RASAL2: variants seen among roughly 807,000 people sequenced by gnomAD.
The protein encoded by RASAL2 is RAS protein activator like 2, also known as ras GTPase-activating protein nGAP.
In RASAL2, 58 loss-of-function variants were observed where a neutral mutation model predicts 128.9. That is an observed-to-expected ratio of 0.45 (90% CI 0.36 to 0.56). The LOEUF (loss-of-function observed/expected upper bound fraction) is 0.56. Among genes scored for constraint, RASAL2 ranks in the 20% least tolerant of loss-of-function variants. The pLI is 0.00. For synonymous variants in RASAL2, 561 were observed against 580.8 expected (o/e 0.97, Z 0.49); for missense variants, 1,360 against 1,601.6 (o/e 0.85, Z 2.57).
intron 17 of RASAL2, among the ~76,000 whole-genome samples, chr1:178,469,714 C>T (rs189635488): frequency 1.4e-4 from 22 of 152,286 alleles, no homozygotes; most frequent in Admixed American, 4.6e-4. Flanking sequence ...AATCCAGGCA[C>T]CTTTCATAAA....
intron 1 of RASAL2, among the ~76,000 whole-genome samples, chr1:178,155,954 G>C (rs977327220): frequency 6.6e-6 from 1 of 152,100 alleles, no homozygotes; most frequent in African/African-American, 2.4e-5. Context: ...AACAATGTTT[G>C]CTTGCTCTTC....
At chr1:178,175,159 C>A (rs7529433) in intron 1 of RASAL2, among the ~76,000 whole-genome samples, 3 of 152,054 alleles carry the variant, frequency 2.0e-5, no homozygotes, top group African/African-American at 7.2e-5. Context: ...TCTTAGGTCC[C>A]TTTCATTGCC....
chr1:178,295,745 T>C (rs1423636756), intron 2 of RASAL2, among the ~76,000 whole-genome samples: 2 of 152,186 alleles, frequency 1.3e-5, no homozygotes. Context: ...CTGTTGCTGC[T>C]GGTACCTAGA....
At chr1:178,381,746 A>C (rs1411990057) in intron 3 of RASAL2, among the ~76,000 whole-genome samples, 2 of 152,092 alleles carry the variant, frequency 1.3e-5, no homozygotes, top group Non-Finnish European at 2.9e-5. Flanking sequence ...CCAATTGTAC[A>C]TGAAGCATAT....
intron 1 of RASAL2, among the ~76,000 whole-genome samples, chr1:178,149,185 C>T (rs144323222): frequency 2.0e-5 from 3 of 151,998 alleles, no homozygotes; most frequent in African/African-American, 4.8e-5. Context: ...GAAAATTAAG[C>T]CTTTTAGAGA....
chr1:178,376,299 T>C (rs1024894944), intron 3 of RASAL2, among the ~76,000 whole-genome samples: 2 of 152,124 alleles, frequency 1.3e-5, no homozygotes, highest in African/African-American at 4.8e-5. Context: ...TTTATAATAC[T>C]GAGAATGACA....
chr1:178,138,976 A>G (rs1660435582), intron 1 of RASAL2, among the ~76,000 whole-genome samples: 1 of 152,096 alleles, frequency 6.6e-6, no homozygotes, highest in Non-Finnish European at 1.5e-5. Context: ...ACCACAAAGC[A>G]TGTTTTATTG....
intron 3 of RASAL2, among the ~76,000 whole-genome samples, chr1:178,339,417 T>C (rs999703865): frequency 6.6e-6 from 1 of 152,204 alleles, no homozygotes; most frequent in Non-Finnish European, 1.5e-5. Flanking sequence ...TGTAATCTTT[T>C]CCTGCAGCAT....
At chr1:178,421,392 A>G (rs992858435) in intron 5 of RASAL2, among the ~76,000 whole-genome samples, 4 of 152,178 alleles carry the variant, frequency 2.6e-5, no homozygotes, top group African/African-American at 7.2e-5. Flanking sequence ...TTTTGGAAAC[A>G]GTGCTTGTGG....
chr1:178,303,210 G>A (rs1284381522), intron 3 of RASAL2, among the ~76,000 whole-genome samples: 2 of 152,088 alleles, frequency 1.3e-5, no homozygotes, highest in South Asian at 4.2e-4. Flanking sequence ...GAGTGGGGTG[G>A]GAATGAGGAG....
intron 1 of RASAL2, among the ~76,000 whole-genome samples, chr1:178,168,860 C>G (rs1661607654): frequency 6.6e-6 from 1 of 151,974 alleles, no homozygotes; most frequent in African/African-American, 2.4e-5. Flanking sequence ...ATGTATACAC[C>G]AAAGTCTAAT....
intron 1 of RASAL2, among the ~76,000 whole-genome samples, chr1:178,198,425 T>C (rs879589981): frequency 1.5e-4 from 23 of 152,220 alleles, no homozygotes; most frequent in Middle Eastern, 3.2e-3. Context: ...TCCCCATCTT[T>C]GTGGTTTTAT....
intron 1 of RASAL2, among the ~76,000 whole-genome samples, chr1:178,171,167 A>G (rs935709216): frequency 2.6e-5 from 4 of 151,940 alleles, no homozygotes; most frequent in African/African-American, 9.7e-5. Context: ...TCCAAAAGTA[A>G]TTTCTACTCC....
Position 178,175,426 on chromosome 1 carries a change from A to T in RASAL2, c.202+80732A>T, listed in dbSNP as rs1558096401. On this transcript the variant is annotated intron_variant, in intron 1 of 17. Transcript: ENST00000367649. Reference sequence around the variant, plus strand: ...ATCCATCCAGAAATATTCTGTGTATATACATGGTTACGTGTGTGTGTGTGT... The same window carrying T: ...ATCCATCCAGAAATATTCTGTGTATTTACATGGTTACGTGTGTGTGTGTGT... Among the ~76,000 whole-genome samples the T allele has an allele frequency of 6.8e-5, 8 of 118,508 alleles. No individual in the cohort carries two copies. In the South Asian group the frequency reaches 2.6e-3, roughly 38 times the overall value. 77.7% of individuals were successfully genotyped at this position (118,508 alleles called of 152,430 possible).
At chr1:178,341,183 C>T (rs1669857702) in intron 3 of RASAL2, among the ~76,000 whole-genome samples, 1 of 152,114 alleles carries the variant, frequency 6.6e-6, no homozygotes, top group African/African-American at 2.4e-5. Flanking sequence ...TTATTTTAGA[C>T]TGCTTTTGAA....
intron 1 of RASAL2, among the ~76,000 whole-genome samples, chr1:178,095,325 C>T (rs1039125880): frequency 6.6e-6 from 1 of 152,212 alleles, no homozygotes; most frequent in Admixed American, 6.5e-5. Context: ...CTTTCCCTTT[C>T]TGCATTCCTG....
At chr1:178,204,601 AG>A (rs1571626548) in intron 1 of RASAL2, among the ~76,000 whole-genome samples, 1 of 152,360 alleles carries the variant, frequency 6.6e-6, no homozygotes, top group East Asian at 1.9e-4. Flanking sequence ...AATAACTGAA[AG>A]ATGGTTCGTA....
intron 3 of RASAL2, among the ~76,000 whole-genome samples, chr1:178,369,992 C>T (rs963966117): frequency 2.6e-5 from 4 of 152,110 alleles, no homozygotes; most frequent in African/African-American, 7.2e-5. Flanking sequence ...GACATTTGAG[C>T]TGAGTCTCAA....
intron 3 of RASAL2, among the ~76,000 whole-genome samples, chr1:178,311,545 A>G (rs1196252428): frequency 8.1e-5 from 12 of 147,816 alleles, no homozygotes; most frequent in Middle Eastern, 3.2e-3. Flanking sequence ...CTTTGGAGGG[A>G]AAAAAAAAAG....
Sources: allele counts gnomAD v4.1 joint callset (sites outside exome capture counted in the v4.1 genomes callset), GRCh38; gene constraint gnomAD v4.1.1; transcripts MANE v1.5; gene names NCBI Gene and HGNC (gene_info 2026-07-23, HGNC 2026-07-21).